DNAJC21: variants seen among roughly 807,000 people sequenced by gnomAD.
DNAJC21 encodes the protein dnaJ homolog subfamily C member 21.
DNAJC21 carries 63 observed loss-of-function variants against 72.4 expected under a neutral mutation model. That is an observed-to-expected ratio of 0.87 (90% CI 0.71 to 1.07). The LOEUF (loss-of-function observed/expected upper bound fraction) is 1.07, where lower values mean the gene tolerates loss of function less well. Among genes scored for constraint, DNAJC21 ranks in the 50% least tolerant of loss-of-function variants. The probability of loss-of-function intolerance (pLI) is 0.00; values close to 1 mark genes in which losing one functional copy is unlikely to be tolerated. For missense variants in DNAJC21, 634 were observed against 644.8 expected (o/e 0.98, Z 0.18); for synonymous variants, 203 against 216.7 (o/e 0.94, Z 0.56).
At chr5:34,952,149 G>GTGTGTGTGTGTA (rs2112102500) in intron 10 of DNAJC21, 8 of 984,318 alleles carry the variant, frequency 8.1e-6, no homozygotes, top group South Asian at 4.7e-5. Flanking sequence ...GTGTGTGTGT[G>GTGTGTGTGTGTA]TATAGTATTT....
At chr5:34,940,486 T>C (rs1764951692) in intron 6 of DNAJC21, among the ~76,000 whole-genome samples, 1 of 152,194 alleles carries the variant, frequency 6.6e-6, no homozygotes, top group African/African-American at 2.4e-5. Context: ...ACATGTTTGT[T>C]TCTTCAAAAA....
At chr5:34,941,279 C>A in intron 7 of DNAJC21, 96 bp downstream of exon 7, 3 of 1,107,264 alleles carry the variant, frequency 2.7e-6, no homozygotes, top group South Asian at 1.4e-5. Flanking sequence ...CTCACCACAG[C>A]CTCGACCTGT....
chr5:34,930,800 G>T (rs368253724), intron 1 of DNAJC21, among the ~76,000 whole-genome samples: 12 of 152,274 alleles, frequency 7.9e-5, no homozygotes, highest in African/African-American at 2.6e-4. Flanking sequence ...TGAGACAGGG[G>T]TCTTAGAGTC....
Position 34,945,814 on chromosome 5 carries a change from A to G in DNAJC21, c.1185+11A>G. On this transcript the variant is annotated intron_variant, in intron 9 of 11. Transcript: ENST00000648817. The stretch of plus-strand genomic sequence containing the variant: ...CAGAAACCAGCACAGGTATGTTAGA[A>G]AGGTTTTGTTAACATTAAATGCCAA... 1 of 1,569,598 alleles carries G rather than the reference A, an allele frequency of 6.4e-7. No homozygotes were observed. Among genetic ancestry groups the G allele is most frequent in the Non-Finnish European group, 8.6e-7 (1 of 1,159,700 alleles).
chr5:34,941,615 G>GGAGT lies in DNAJC21; in HGVS notation c.983+434_983+437dup, dbSNP rs376204821. Among the ~76,000 whole-genome samples the GGAGT allele has an allele frequency of 2.5e-3, 328 of 128,730 alleles. 1 individual carries two copies. The highest frequency in any genetic ancestry group is 9.0e-3 in the African/African-American group (312 of 34,676). 84.5% of individuals were successfully genotyped at this position (128,730 alleles called of 152,430 possible). Reference sequence around the variant, plus strand: ...AGAGTCTCACTCTGTTGCCCCGGCTGGAGTGCAGTGGCACGATCTCAGCTC... The same window carrying GGAGT: ...AGAGTCTCACTCTGTTGCCCCGGCTGGAGTGAGTGCAGTGGCACGATCTCAGCTC... On this transcript the variant is annotated intron_variant, in intron 7 of 11. Coordinates refer to ENST00000648817, the MANE Select transcript of DNAJC21 (RefSeq NM_001012339.3).
intron 8 of DNAJC21, 85 bp downstream of exon 8, chr5:34,945,110 C>A: frequency 6.7e-7 from 1 of 1,502,308 alleles, no homozygotes; most frequent in Non-Finnish European, 9.0e-7. Context: ...TGGAGAATCA[C>A]TCTGTTGCCC....
intron 7 of DNAJC21, among the ~76,000 whole-genome samples, chr5:34,943,962 A>T (rs1765086378): frequency 6.6e-6 from 1 of 152,196 alleles, no homozygotes; most frequent in Non-Finnish European, 1.5e-5. Flanking sequence ...ACTTTCAGAC[A>T]CAGGATCTTC....
chr5:34,944,764 T>C, intron 7 of DNAJC21, 103 bp from the exon 8 acceptor site: 3 of 1,493,710 alleles, frequency 2.0e-6, no homozygotes, highest in Non-Finnish European at 2.7e-6. Flanking sequence ...TTTTGCTTAG[T>C]GGGAAAAAAG....
intron 7 of DNAJC21, among the ~76,000 whole-genome samples, chr5:34,943,940 T>C (rs1035568679): frequency 4.6e-5 from 7 of 152,232 alleles, no homozygotes; most frequent in African/African-American, 1.7e-4. Context: ...TTATAACTTT[T>C]TTGGAGGACT....
At chr5:34,931,297 C>A (rs1429670823) in intron 1 of DNAJC21, among the ~76,000 whole-genome samples, 1 of 152,158 alleles carries the variant, frequency 6.6e-6, no homozygotes, top group Non-Finnish European at 1.5e-5. Context: ...AACTGATGTT[C>A]ATCATAGCAG....
chr5:34,947,575 G>A (rs1765211409), intron 9 of DNAJC21, among the ~76,000 whole-genome samples: 1 of 114,818 alleles, frequency 8.7e-6, no homozygotes, highest in Admixed American at 8.8e-5. Flanking sequence ...TTATGTGTAA[G>A]TATTTTATTT....
At chr5:34,951,124 GA>G in intron 10 of DNAJC21, 1 of 985,486 alleles carries the variant, frequency 1.0e-6, no homozygotes, top group South Asian at 4.7e-5. Context: ...TTAGTAGTAG[GA>G]AGGAGGAAAC....
rs1765092559 is a variant in DNAJC21, at chr5:34,944,152, C to CT, written c.984-710dup. Among the ~76,000 whole-genome samples, 4 of 152,302 alleles carry CT rather than the reference C, an allele frequency of 2.6e-5. 1 individual carries two copies. In the South Asian group the frequency reaches 8.3e-4, roughly 32 times the overall value. The stretch of plus-strand genomic sequence containing the variant: ...GTTGTCAACCCTGTTTTGTTGAATG[C>CT]TTTTTAGTTGCCTGTAGGTGTGCTG... On this transcript the variant is annotated intron_variant, in intron 7 of 11. Transcript: ENST00000648817.
At chr5:34,942,680 G>A (rs1278575595) in intron 7 of DNAJC21, among the ~76,000 whole-genome samples, 1 of 152,014 alleles carries the variant, frequency 6.6e-6, no homozygotes, top group Non-Finnish European at 1.5e-5. Context: ...CTCTCTACAC[G>A]CTCAACACAC....
At chr5:34,946,170 T>A (rs1274730890) in intron 9 of DNAJC21, among the ~76,000 whole-genome samples, 2 of 152,166 alleles carry the variant, frequency 1.3e-5, no homozygotes, top group Admixed American at 1.3e-4. Flanking sequence ...GTCATTTTTT[T>A]ATCTCAGTTT....
intron 9 of DNAJC21, among the ~76,000 whole-genome samples, chr5:34,949,040 G>A (rs1017289557): frequency 6.6e-6 from 1 of 152,136 alleles, no homozygotes; most frequent in Non-Finnish European, 1.5e-5. Context: ...TTCGGTAAAT[G>A]GTCATGGGGA....
In DNAJC21 at chr5:34,929,942, C is replaced by A. The variant is rs571097058; in HGVS notation, c.97+26C>A. 4.8e-5 allele frequency: 73 copies of A among 1,533,782 alleles called. 1 individual carries two copies. In the South Asian group the frequency reaches 6.2e-4, roughly 13 times the overall value. ...GTAAGTACCTGTCCCGCAGCCCCCG[C>A]GGCCACTCGGAGAAGCCCGGCCCTC... On this transcript the variant is annotated intron_variant, in intron 1 of 11. Coordinates refer to ENST00000648817, the MANE Select transcript of DNAJC21 (RefSeq NM_001012339.3).
intron 4 of DNAJC21, among the ~76,000 whole-genome samples, chr5:34,936,562 G>A (rs1416091349): frequency 6.6e-6 from 1 of 151,996 alleles, no homozygotes; most frequent in Non-Finnish European, 1.5e-5. Context: ...TCCCTCCTTG[G>A]CCTCCCAAAA....
chr5:34,939,154 G>T, intron 6 of DNAJC21, 145 bp downstream of exon 6: 1 of 724,770 alleles, frequency 1.4e-6, no homozygotes, highest in African/African-American at 1.8e-5. Flanking sequence ...GGCTGAGCTA[G>T]TCTAATTCAA....
Sources: gnomAD v4.1 joint callset for allele counts (sites outside exome capture counted in the v4.1 genomes callset) on GRCh38, gnomAD v4.1.1 for gene constraint, MANE v1.5 for transcripts, NCBI Gene and HGNC (gene_info 2026-07-23, HGNC 2026-07-21) for gene names.